Variants in ARHGEF28 observed in about 807,000 individuals in gnomAD.
The protein encoded by ARHGEF28 is Rho guanine nucleotide exchange factor 28.
ARHGEF28 carries 152 observed loss-of-function variants against 206.6 expected under a neutral mutation model. The observed-to-expected ratio is 0.74, with a 90% confidence interval of 0.64 to 0.84. The LOEUF is 0.84. Among genes scored for constraint, ARHGEF28 ranks in the 40% least tolerant of loss-of-function variants. The probability of loss-of-function intolerance (pLI) is 0.00; values close to 1 mark genes in which losing one functional copy is unlikely to be tolerated. For missense variants in ARHGEF28, 2,028 were observed against 2,073.2 expected (o/e 0.98, Z 0.42); for synonymous variants, 763 against 776.4 (o/e 0.98, Z 0.29).
At position 73,873,060 on chromosome 5, in the gene ARHGEF28, G is replaced by T; in HGVS notation, c.2628G>T (p.Arg876Ser). 1 of 1,613,656 alleles carries T rather than the reference G, an allele frequency of 6.2e-7. No homozygotes were observed. The highest frequency in any genetic ancestry group is 8.5e-7 in the Non-Finnish European group (1 of 1,179,750). ...QTLFIMSEIF[R>S]KGMKEELQLD... ...TGTTCATCATGTCTGAGATCTTCAG[G>T]AAAGGCATGAAAGAGGAGCTGCAGC... Residue 876 changes from arginine to serine, a missense_variant, in exon 22 of 36, where the codon AGG becomes AGT. Arg to Ser is a moderately radical substitution (Grantham distance 110). Around this residue, in one of 3 missense-constraint regions of ARHGEF28, gnomAD observed 223 missense variants for 289.9 expected, o/e 0.77. Coordinates refer to ENST00000513042, the MANE Select transcript of ARHGEF28 (RefSeq NM_001177693.2).
chr5:73,757,217 G>A (rs1379370857), intron 4 of ARHGEF28, among the ~76,000 whole-genome samples: 4 of 152,070 alleles, frequency 2.6e-5, no homozygotes, highest in Non-Finnish European at 1.5e-5. Context: ...AAAATAAACT[G>A]TGCCATCGGA....
chr5:73,823,256 T>C (rs1223520901), intron 9 of ARHGEF28, among the ~76,000 whole-genome samples: 2 of 152,240 alleles, frequency 1.3e-5, no homozygotes, highest in Non-Finnish European at 2.9e-5. Context: ...CTGTATGCTC[T>C]TGGGTAAAAC....
At chr5:73,741,117 C>T (rs1356128763) in intron 2 of ARHGEF28, among the ~76,000 whole-genome samples, 2 of 151,972 alleles carry the variant, frequency 1.3e-5, no homozygotes, top group Admixed American at 6.6e-5. Flanking sequence ...TAGGAGTTCT[C>T]TGTCTCCATG....
At chr5:73,633,584 T>TTC in intron 1 of ARHGEF28, among the ~76,000 whole-genome samples, 1 of 145,898 alleles carries the variant, frequency 6.9e-6, no homozygotes, top group African/African-American at 2.5e-5. Context: ...TTTTTTTTTT[T>TTC]TTTTTTTTTT....
intron 9 of ARHGEF28, among the ~76,000 whole-genome samples, chr5:73,810,937 C>T (rs1467022108): frequency 1.3e-5 from 2 of 152,114 alleles, no homozygotes; most frequent in Admixed American, 6.5e-5. Flanking sequence ...TAGCATCAGT[C>T]AACTGTAAGA....
intron 1 of ARHGEF28, among the ~76,000 whole-genome samples, chr5:73,681,489 A>G (rs1747095365): frequency 6.6e-6 from 1 of 151,768 alleles, no homozygotes; most frequent in Non-Finnish European, 1.5e-5. Context: ...AGTTTCTGAG[A>G]CTCTGGTTTG....
intron 30 of ARHGEF28, chr5:73,899,475 G>A (rs72772595): frequency 3.3e-5 from 5 of 152,444 alleles, no homozygotes; most frequent in Non-Finnish European, 5.9e-5. Context: ...ACCATTGAGA[G>A]GCTCTTTAGA....
At chr5:73,880,884 A>T (rs35208429) in intron 22 of ARHGEF28, among the ~76,000 whole-genome samples, 20,520 of 151,822 alleles carry the variant, frequency 0.14, 1,551 homozygotes, top group East Asian at 0.29. Context: ...GTGAGCCGAG[A>T]TCCTTCTCCT....
intron 1 of ARHGEF28, among the ~76,000 whole-genome samples, chr5:73,681,384 A>T: frequency 6.6e-6 from 1 of 152,182 alleles, no homozygotes; most frequent in East Asian, 1.9e-4. Context: ...TGGGTTGGCC[A>T]TTATTTTTAT....
At chr5:73,931,376 A>G (rs956847564) in intron 35 of ARHGEF28, among the ~76,000 whole-genome samples, 1 of 152,158 alleles carries the variant, frequency 6.6e-6, no homozygotes, top group African/African-American at 2.4e-5. Flanking sequence ...CTTTCACTTT[A>G]GAGGTATATT....
In ARHGEF28 at chr5:73,904,385, C is replaced by T. The variant is rs368877878; in HGVS notation, c.4141C>T (p.Arg1381Cys). Residue 1381 changes from arginine to cysteine, a missense_variant, in exon 33 of 36, where the codon CGT becomes TGT. Arg to Cys is a radical substitution (Grantham distance 180). Coordinates refer to ENST00000513042, the MANE Select transcript of ARHGEF28 (RefSeq NM_001177693.2). ...TATACAAGCCATACAGAATTTAACC[C>T]GTCTCTTATACAGCCTTCAGGTAAC... ...EIIQAIQNLT[R>C]LLYSLQAALT... 9.9e-6 allele frequency: 16 copies of T among 1,612,340 alleles called. No individual in the cohort carries two copies. The highest frequency in any genetic ancestry group is 5.3e-5 in the African/African-American group (4 of 74,976).
chr5:73,807,487 C>A (rs1455919145), intron 9 of ARHGEF28, among the ~76,000 whole-genome samples: 1 of 142,314 alleles, frequency 7.0e-6, no homozygotes, highest in African/African-American at 2.6e-5. Context: ...CAATGTAATT[C>A]TTTTTTTTTT....
intron 1 of ARHGEF28, among the ~76,000 whole-genome samples, chr5:73,681,205 G>A (rs1363118943): frequency 1.3e-5 from 2 of 151,912 alleles, no homozygotes; most frequent in East Asian, 3.9e-4. Flanking sequence ...GTGAAAGACT[G>A]GAATTGTATA....
At chr5:73,655,279 C>T (rs553435926) in intron 1 of ARHGEF28, among the ~76,000 whole-genome samples, 4 of 152,316 alleles carry the variant, frequency 2.6e-5, no homozygotes, top group African/African-American at 9.6e-5. Context: ...CACAGGTCAA[C>T]ATGTTTAACC....
intron 35 of ARHGEF28, 123 bp downstream of exon 35, chr5:73,911,698 GCTGGAGTTTGTGGCATTCA>G: frequency 3.8e-6 from 4 of 1,053,558 alleles, no homozygotes; most frequent in African/African-American, 1.6e-5. Flanking sequence ...GTACTGATGA[GCTGGAGTTTGTGGCATTCA>G]CTTTTCTTTG....
chr5:73,777,100 C>T (rs1408387857), intron 6 of ARHGEF28, among the ~76,000 whole-genome samples: 1 of 152,096 alleles, frequency 6.6e-6, no homozygotes, highest in East Asian at 1.9e-4. Flanking sequence ...AGTACAGAAT[C>T]CAGTACAGAT....
intron 1 of ARHGEF28, among the ~76,000 whole-genome samples, chr5:73,679,409 A>C (rs955439004): frequency 5.3e-5 from 8 of 152,146 alleles, no homozygotes; most frequent in African/African-American, 1.9e-4. Context: ...TCTACTAAAA[A>C]TACAAAAATT....
rs780565263 is a variant in ARHGEF28 at position 73,858,220 on chromosome 5, G to GT, written c.2047+2dup. 1 of 1,584,668 alleles carries GT rather than the reference G, an allele frequency of 6.3e-7. No homozygotes were observed. The highest frequency in any genetic ancestry group is 2.2e-5 in the East Asian group (1 of 44,584). On this transcript the variant is annotated splice_donor_variant, in intron 16 of 35. Transcript: ENST00000513042. LOFTEE classifies it high-confidence loss of function. ...GGGAAAGAGTCACTGCAGTGTTCTA[G>GT]TAAGTTCTCAGGTCTATGTGCGCTG...
chr5:73,680,023 A>G (rs570414185), intron 1 of ARHGEF28, among the ~76,000 whole-genome samples: 7 of 152,346 alleles, frequency 4.6e-5, no homozygotes, highest in Non-Finnish European at 7.3e-5. Context: ...AACCTTGCTC[A>G]TGAATGACAA....
Sources: allele counts gnomAD v4.1 joint callset (sites outside exome capture counted in the v4.1 genomes callset), GRCh38; gene constraint gnomAD v4.1.1; regional missense constraint gnomAD v4.1.1; transcripts MANE v1.5; gene names NCBI Gene and HGNC (gene_info 2026-07-23, HGNC 2026-07-21).